DOCK2: variants seen among roughly 807,000 people sequenced by gnomAD.
The protein encoded by DOCK2 is dedicator of cytokinesis protein 2.
A neutral mutation model predicts 248.9 loss-of-function variants in DOCK2; 87 were observed. The ratio of observed to expected loss-of-function variants is 0.35; its 90% CI spans 0.29 to 0.42. DOCK2 has a LOEUF of 0.42. DOCK2 is among the 10% of genes least tolerant of loss of function. DOCK2 has a pLI of 1.00. For missense variants in DOCK2, 1,747 were observed against 2,300.2 expected (o/e 0.76, Z 4.92); for synonymous variants, 805 against 821.6 (o/e 0.98, Z 0.35).
intron 22 of DOCK2, among the ~76,000 whole-genome samples, chr5:169,737,775 G>A (rs532064287): frequency 2.6e-5 from 4 of 152,252 alleles, no homozygotes; most frequent in South Asian, 2.1e-4. Context: ...TTCCTGGACC[G>A]GGCATGGAAG....
Position 169,970,341 on chromosome 5 carries a change from G to T in DOCK2, c.2800-12727G>T, listed in dbSNP as rs193164176. Among the ~76,000 whole-genome samples, 483 of 152,312 alleles carry T rather than the reference G, an allele frequency of 3.2e-3. 1 individual carries two copies. The highest frequency in any genetic ancestry group is 5.3e-3 in the Non-Finnish European group (360 of 68,016). On this transcript the variant is annotated intron_variant, in intron 27 of 51. Transcript: ENST00000520908. ...CCTATTTGGTCAGAAAAGTAAAGAAGAATGTATTTCTCAAATATCAGCCTT... is the reference window on the plus strand; with the variant it reads ...CCTATTTGGTCAGAAAAGTAAAGAATAATGTATTTCTCAAATATCAGCCTT...
At chr5:169,788,686 C>A (rs1719611112) in intron 25 of DOCK2, among the ~76,000 whole-genome samples, 1 of 152,074 alleles carries the variant, frequency 6.6e-6, no homozygotes, top group South Asian at 2.1e-4. Flanking sequence ...TTCTTTCATT[C>A]TTTTTGGACT....
intron 17 of DOCK2, among the ~76,000 whole-genome samples, chr5:169,713,379 C>T (rs189222677): frequency 2.4e-4 from 37 of 152,264 alleles, no homozygotes; most frequent in Middle Eastern, 3.4e-3. Flanking sequence ...ACTCCTGGTG[C>T]GGAGTAAGAT....
chr5:170,070,544 C>T (rs1474413800), intron 46 of DOCK2, among the ~76,000 whole-genome samples: 1 of 152,198 alleles, frequency 6.6e-6, no homozygotes, highest in Non-Finnish European at 1.5e-5. Flanking sequence ...AGGTCCCCAG[C>T]CTTCTGGGGT....
intron 27 of DOCK2, among the ~76,000 whole-genome samples, chr5:169,873,423 A>C (rs759321625): frequency 2.0e-5 from 3 of 152,252 alleles, no homozygotes; most frequent in Non-Finnish European, 2.9e-5. Context: ...TTCACGGCCC[A>C]GCATTTGAAA....
intron 27 of DOCK2, among the ~76,000 whole-genome samples, chr5:169,967,654 G>T (rs558386706): frequency 1.3e-5 from 2 of 152,278 alleles, no homozygotes; most frequent in East Asian, 3.9e-4. Context: ...CCATTATAGA[G>T]AGATCACACT....
chr5:169,940,491 T>C (rs1055240445), intron 27 of DOCK2, among the ~76,000 whole-genome samples: 1 of 152,216 alleles, frequency 6.6e-6, no homozygotes, highest in Admixed American at 6.5e-5. Context: ...TAGTATTATA[T>C]TTTAATTTAT....
intron 17 of DOCK2, 47 bp downstream of exon 17, chr5:169,712,270 A>G: frequency 6.3e-7 from 1 of 1,581,268 alleles, no homozygotes; most frequent in Non-Finnish European, 8.7e-7. Flanking sequence ...GTGCAGGAAG[A>G]AAGGGGGTGA....
At chr5:169,867,546 A>G (rs1561778504) in intron 27 of DOCK2, among the ~76,000 whole-genome samples, 2 of 151,850 alleles carry the variant, frequency 1.3e-5, no homozygotes, top group Non-Finnish European at 1.5e-5. Flanking sequence ...TCATGTATCT[A>G]TCATCTATCA....
intron 25 of DOCK2, among the ~76,000 whole-genome samples, chr5:169,776,023 G>A (rs1286906942): frequency 1.3e-5 from 2 of 151,716 alleles, no homozygotes; most frequent in Non-Finnish European, 2.9e-5. Flanking sequence ...TCAAAATATT[G>A]TGAGTTGATT....
chr5:170,081,734 A>T, intron 50 of DOCK2, 108 bp from the exon 51 acceptor site: 1 of 1,272,066 alleles, frequency 7.9e-7, no homozygotes. Flanking sequence ...ACAATGTGTG[A>T]TCCCTGGATG....
At chr5:169,692,171 A>G (rs1760343598) in intron 9 of DOCK2, among the ~76,000 whole-genome samples, 1 of 152,174 alleles carries the variant, frequency 6.6e-6, no homozygotes, top group Non-Finnish European at 1.5e-5. Context: ...TCTGTTTTGT[A>G]AGGGTTTACC....
intron 1 of DOCK2, among the ~76,000 whole-genome samples, chr5:169,637,941 C>T (rs1329513776): frequency 1.3e-5 from 2 of 152,090 alleles, no homozygotes; most frequent in Non-Finnish European, 2.9e-5. Flanking sequence ...GAAAAAGGCT[C>T]CCGCCAGGTG....
intron 41 of DOCK2, among the ~76,000 whole-genome samples, chr5:170,052,794 T>C (rs1041391880): frequency 2.6e-5 from 4 of 152,220 alleles, no homozygotes; most frequent in African/African-American, 4.8e-5. Flanking sequence ...CCAATACTTA[T>C]ACAAGTTAGG....
intron 27 of DOCK2, chr5:169,875,093 T>C (rs1330745070): frequency 1.2e-5 from 5 of 414,768 alleles, no homozygotes; most frequent in Non-Finnish European, 2.4e-5. Context: ...CTCTGGGCTA[T>C]TTTACAAGCA....
At chr5:169,756,315 C>T (rs1764190635) in intron 23 of DOCK2, among the ~76,000 whole-genome samples, 1 of 152,230 alleles carries the variant, frequency 6.6e-6, no homozygotes, top group Admixed American at 6.5e-5. Flanking sequence ...GAATGACATG[C>T]AGCTCTTGAA....
chr5:169,823,450 G>T (rs1768615793), intron 26 of DOCK2, among the ~76,000 whole-genome samples: 2 of 152,160 alleles, frequency 1.3e-5, no homozygotes, highest in South Asian at 4.2e-4. Context: ...TCCCTGGGAT[G>T]CAAGGCTGGT....
At chr5:170,060,126 A>G (rs888809274) in intron 44 of DOCK2, among the ~76,000 whole-genome samples, 2 of 152,236 alleles carry the variant, frequency 1.3e-5, no homozygotes, top group Non-Finnish European at 2.9e-5. Flanking sequence ...ATGAGCTTCA[A>G]GTATAAGTTC....
chr5:169,637,863 G>A (rs1756919097), intron 1 of DOCK2, among the ~76,000 whole-genome samples: 1 of 152,184 alleles, frequency 6.6e-6, no homozygotes, highest in South Asian at 2.1e-4. Context: ...CATCCAGAGG[G>A]CAGCTCAAGC....
Sources: gnomAD v4.1 joint callset for allele counts (sites outside exome capture counted in the v4.1 genomes callset) on GRCh38, gnomAD v4.1.1 for gene constraint, MANE v1.5 for transcripts, NCBI Gene and HGNC (gene_info 2026-07-23, HGNC 2026-07-21) for gene names.